The following MMP26 variants were observed in gnomAD, a reference collection of about 807,000 sequenced individuals.
MMP26 encodes the protein matrix metallopeptidase 26.
In MMP26, 33 loss-of-function variants were observed where a neutral mutation model predicts 31.0. That is an observed-to-expected ratio of 1.06 (90% CI 0.81 to 1.42). MMP26 has a LOEUF of 1.42. Among genes scored for constraint, MMP26 ranks in the 40% most tolerant of loss-of-function variants. MMP26 has a pLI of 0.00. For synonymous variants in MMP26, 122 were observed against 114.9 expected (o/e 1.06, Z -0.40); for missense variants, 347 against 316.1 (o/e 1.10, Z -0.74).
Position 4,992,322 on chromosome 11 carries a change from C to T in MMP26, c.*80C>T. The stretch of plus-strand genomic sequence containing the variant: ...CAAAGAACTGAAAGCACTAGAGCAG[C>T]CTTGGGGACTGCTAGGATGAAGCCC... On this transcript the variant is annotated 3_prime_UTR_variant, in exon 8 of 8. Coordinates refer to ENST00000380390, the MANE Select transcript of MMP26 (RefSeq NM_021801.5). The T allele has an allele frequency of 7.2e-7, 1 of 1,387,952 alleles. No individual in the cohort carries two copies. The highest frequency in any genetic ancestry group is 1.0e-6 in the Non-Finnish European group (1 of 1,004,278). 86.0% of individuals were successfully genotyped at this position (1,387,952 alleles called of 1,614,324 possible). A position where few individuals can be genotyped will look rare whatever the true frequency, so the allele number is the denominator to read the frequency against.
At chr11:4,877,018 G>A (rs1850389196) in intron 2 of MMP26, 1 of 152,956 alleles carries the variant, frequency 6.5e-6, no homozygotes, top group Non-Finnish European at 1.5e-5. Flanking sequence ...CTGCTACGGA[G>A]TGTGGGGGCT....
At chr11:4,769,221 G>C (rs765562992) in intron 2 of MMP26, 1 of 1,613,600 alleles carries the variant, frequency 6.2e-7, no homozygotes, top group African/African-American at 1.3e-5. Context: ...CATTCTTCAG[G>C]GGAGGCAATT....
chr11:4,891,947 C>G lies in MMP26; in HGVS notation c.-144-96121C>G, dbSNP rs191447725. Among the ~76,000 whole-genome samples the G allele has an allele frequency of 8.5e-5, 13 of 152,072 alleles. 1 individual carries two copies. Among genetic ancestry groups the G allele is most frequent in the African/African-American group, 2.9e-4 (12 of 41,468 alleles). ...CACAAATCCAGGGCTTTTTCATAGGCAACTTAATCAACTATATGTATTTGA... is the reference window on the plus strand; with the variant it reads ...CACAAATCCAGGGCTTTTTCATAGGGAACTTAATCAACTATATGTATTTGA... On this transcript the variant is annotated intron_variant, in intron 2 of 7. Transcript: ENST00000380390.
In MMP26 at chr11:4,715,856, C is replaced by T. The variant is rs778638608; in HGVS notation, c.-217+10811C>T. 1.2e-4 allele frequency among the ~76,000 whole-genome samples: 18 copies of T among 152,114 alleles called. 1 individual carries two copies. The highest frequency in any genetic ancestry group is 1.7e-4 in the African/African-American group (7 of 41,436). On this transcript the variant is annotated intron_variant, in intron 1 of 7. Coordinates refer to ENST00000380390, the MANE Select transcript of MMP26 (RefSeq NM_021801.5). ...TGATGGGATATCACTCCCATGATTA[C>T]GTTACATTATATGGCAAAAGGATTT...
At chr11:4,969,833 G>A (rs1022403537) in intron 2 of MMP26, among the ~76,000 whole-genome samples, 5 of 152,030 alleles carry the variant, frequency 3.3e-5, no homozygotes, top group South Asian at 2.1e-4. Context: ...TTAAGCAAAC[G>A]TTATTAAACT....
intron 2 of MMP26, among the ~76,000 whole-genome samples, chr11:4,880,013 C>T (rs916922736): frequency 6.6e-6 from 1 of 152,082 alleles, no homozygotes; most frequent in Non-Finnish European, 1.5e-5. Context: ...TACTGTCTGC[C>T]TCCAGGGCTA....
Position 4,865,589 on chromosome 11 carries a change from C to T in MMP26, c.-145+98248C>T, listed in dbSNP as rs573687810. On this transcript the variant is annotated intron_variant, in intron 2 of 7. Transcript: ENST00000380390. ...CCATTGCCAAATTCTTCTTCTTCCT[C>T]CTCCTCCTCCTCCTCCTTCTTCTTA... Among the ~76,000 whole-genome samples, 240 of 152,102 alleles carry T rather than the reference C, an allele frequency of 1.6e-3. 2 individuals carry two copies. The highest frequency in any genetic ancestry group is 6.8e-3 in the Middle Eastern group (2 of 294).
chr11:4,959,837 C>T (rs867747661), intron 2 of MMP26, among the ~76,000 whole-genome samples: 20 of 152,084 alleles, frequency 1.3e-4, no homozygotes, highest in African/African-American at 3.6e-4. Flanking sequence ...TACTTTTCTC[C>T]ATTCCTCTTT....
chr11:4,729,685 A>C (rs1404503205), intron 1 of MMP26, among the ~76,000 whole-genome samples: 1 of 152,168 alleles, frequency 6.6e-6, no homozygotes, highest in Non-Finnish European at 1.5e-5. Context: ...GCTATTCATC[A>C]AATATATTTA....
chr11:4,797,417 A>G lies in MMP26; in HGVS notation c.-145+30076A>G, dbSNP rs144749778. ...TCCTTTCCTGGAGCAACATTTACTC[A>G]TTCATGAGTGGACTTTCCCTTCCTA... On this transcript the variant is annotated intron_variant, in intron 2 of 7. Transcript: ENST00000380390. 1.6e-4 allele frequency among the ~76,000 whole-genome samples: 25 copies of G among 152,270 alleles called. No homozygotes were observed. The East Asian group carries it at 4.8e-3, about 29-fold the overall frequency.
intron 2 of MMP26, among the ~76,000 whole-genome samples, chr11:4,927,714 G>C (rs1487161298): frequency 2.0e-5 from 3 of 152,120 alleles, no homozygotes; most frequent in African/African-American, 7.2e-5. Flanking sequence ...TCAGCTACAA[G>C]ACTATTCCGT....
chr11:4,879,347 G>A (rs1850426977), intron 2 of MMP26, among the ~76,000 whole-genome samples: 1 of 152,064 alleles, frequency 6.6e-6, no homozygotes, highest in Non-Finnish European at 1.5e-5. Context: ...AACCATATGT[G>A]GGCACACAGT....
chr11:4,902,446 G>A (rs1440580800), intron 2 of MMP26, among the ~76,000 whole-genome samples: 3 of 152,090 alleles, frequency 2.0e-5, no homozygotes, highest in Admixed American at 6.5e-5. Context: ...CAGAGGACAC[G>A]ATTTTGTTCT....
At chr11:4,918,047 C>G (rs34321685) in intron 2 of MMP26, among the ~76,000 whole-genome samples, 14,152 of 151,884 alleles carry the variant, frequency 0.093, 848 homozygotes, top group Middle Eastern at 0.19. Flanking sequence ...TTGCCAGGCT[C>G]TGTATTAGGG....
chr11:4,918,149 A>G (rs1487559342), intron 2 of MMP26, among the ~76,000 whole-genome samples: 3 of 152,044 alleles, frequency 2.0e-5, no homozygotes, highest in Non-Finnish European at 4.4e-5. Flanking sequence ...AGAGGCTTAG[A>G]GAATTTTATA....
chr11:4,777,731 T>C (rs1007137585), intron 2 of MMP26, among the ~76,000 whole-genome samples: 16 of 152,132 alleles, frequency 1.1e-4, no homozygotes, highest in African/African-American at 3.9e-4. Context: ...TATATTAACA[T>C]TGTGTCTGAG....
intron 2 of MMP26, chr11:4,804,456 A>G: frequency 8.7e-7 from 1 of 1,156,050 alleles, no homozygotes; most frequent in Non-Finnish European, 1.3e-6. Flanking sequence ...AAGTGTTATT[A>G]TTATATACAA....
intron 2 of MMP26, among the ~76,000 whole-genome samples, chr11:4,785,604 C>A (rs539428703): frequency 5.9e-4 from 90 of 152,190 alleles, no homozygotes; most frequent in Non-Finnish European, 1.0e-3. Flanking sequence ...TACATTATTT[C>A]ATTATTTTCA....
chr11:4,976,401 T>C (rs1180329381), intron 2 of MMP26, among the ~76,000 whole-genome samples: 1 of 152,030 alleles, frequency 6.6e-6, no homozygotes. Flanking sequence ...TATTAAATGG[T>C]AAAATCATAA....
Sources: gnomAD v4.1 joint callset for allele counts (sites outside exome capture counted in the v4.1 genomes callset) on GRCh38, gnomAD v4.1.1 for gene constraint, MANE v1.5 for transcripts, NCBI Gene and HGNC (gene_info 2026-07-23, HGNC 2026-07-21) for gene names.